Variants in DAB1 observed in about 807,000 individuals in gnomAD.
DAB1 encodes disabled homolog 1.
A neutral mutation model predicts 64.6 loss-of-function variants in DAB1; 15 were observed. The ratio of observed to expected loss-of-function variants is 0.23; its 90% confidence interval spans 0.16 to 0.36. DAB1 has a LOEUF of 0.36. Ranked by LOEUF, DAB1 falls within the 10% of genes least tolerant of loss-of-function variation. The pLI is 1.00. For synonymous variants in DAB1, 235 were observed against 251.9 expected (o/e 0.93, Z 0.64); for missense variants, 596 against 706.7 (o/e 0.84, Z 1.78).
intron 5 of DAB1, among the ~76,000 whole-genome samples, chr1:58,033,728 T>C (rs1018744103): frequency 1.3e-5 from 2 of 152,236 alleles, no homozygotes; most frequent in African/African-American, 4.8e-5. Context: ...TAAATTTTCC[T>C]AAGCATACTA....
chr1:58,012,463 T>A (rs1411661019), intron 5 of DAB1, among the ~76,000 whole-genome samples: 1 of 152,132 alleles, frequency 6.6e-6, no homozygotes, highest in African/African-American at 2.4e-5. Context: ...AACGTGCACA[T>A]GTACCCTAAA....
chr1:58,214,487 C>T (rs1420437848), intron 4 of DAB1, among the ~76,000 whole-genome samples: 2 of 152,014 alleles, frequency 1.3e-5, no homozygotes, highest in Non-Finnish European at 2.9e-5. Flanking sequence ...CAGAGAAAAG[C>T]CAAAAGAAAG....
chr1:57,550,052 T>C (rs17115987), intron 7 of DAB1, among the ~76,000 whole-genome samples: 3,603 of 152,262 alleles, frequency 0.024, 146 homozygotes, highest in African/African-American at 0.083. Context: ...CAGAGATATG[T>C]ATAGCTTGAC....
chr1:58,265,349 A>G, intron 4 of DAB1, among the ~76,000 whole-genome samples: 1 of 152,338 alleles, frequency 6.6e-6, no homozygotes, highest in East Asian at 1.9e-4. Flanking sequence ...AGGCAAACTT[A>G]AGAGGAGTCT....
intron 4 of DAB1, among the ~76,000 whole-genome samples, chr1:58,329,630 A>G (rs1569648798): frequency 2.0e-5 from 3 of 152,286 alleles, no homozygotes; most frequent in Non-Finnish European, 4.4e-5. Context: ...AAGCAAGTCT[A>G]TCAACATTAT....
intron 5 of DAB1, among the ~76,000 whole-genome samples, chr1:58,107,094 C>G (rs1202706539): frequency 2.0e-5 from 3 of 151,402 alleles, no homozygotes; most frequent in Non-Finnish European, 4.4e-5. Context: ...AAAAAAAAAC[C>G]CAGAAAAATA....
At chr1:57,590,187 G>A (rs184757449) in intron 7 of DAB1, among the ~76,000 whole-genome samples, 6 of 152,186 alleles carry the variant, frequency 3.9e-5, no homozygotes, top group Admixed American at 2.6e-4. Context: ...GCCTCTTCAC[G>A]TGGTCTTTCT....
At chr1:57,255,488 C>A (rs534653303) in intron 2 of DAB1, among the ~76,000 whole-genome samples, 7 of 152,082 alleles carry the variant, frequency 4.6e-5, no homozygotes, top group Non-Finnish European at 8.8e-5. Context: ...ATGGCAAAAC[C>A]CTGTACCAAA....
chr1:57,498,518 AC>A (rs1364753764), intron 7 of DAB1, among the ~76,000 whole-genome samples: 3 of 152,098 alleles, frequency 2.0e-5, no homozygotes, highest in African/African-American at 7.3e-5. Flanking sequence ...GGAGTGGTCA[AC>A]AATGCCAACA....
At chr1:57,339,982 G>A (rs914534504) in intron 1 of DAB1, among the ~76,000 whole-genome samples, 1 of 152,158 alleles carries the variant, frequency 6.6e-6, no homozygotes, top group Non-Finnish European at 1.5e-5. Flanking sequence ...ATCTAGGATG[G>A]TTTCGATTCA....
chr1:58,427,642 T>A lies in DAB1; in HGVS notation n.257+78418A>T, dbSNP rs114170915. On this transcript the variant is annotated intron_variant and non_coding_transcript_variant, in intron 3 of 20. Coordinates refer to the DAB1 transcript ENST00000485760. ...AGAGCCAAGGATAGTTCCAAGATTC[T>A]GGTCCAAGCAACTGGAAAGATGCAG... 6.2e-3 allele frequency among the ~76,000 whole-genome samples: 937 copies of A among 152,290 alleles called. 9 individuals carry two copies. Among genetic ancestry groups the A allele is most frequent in the African/African-American group, 0.021 (890 of 41,568 alleles).
chr1:57,245,675 C>G (rs1048159333), intron 2 of DAB1, among the ~76,000 whole-genome samples: 1 of 152,180 alleles, frequency 6.6e-6, no homozygotes, highest in African/African-American at 2.4e-5. Context: ...TTAATCCAGT[C>G]TATCATTGTT....
chr1:58,176,553 A>G (rs1656487522), intron 4 of DAB1, among the ~76,000 whole-genome samples: 1 of 152,166 alleles, frequency 6.6e-6, no homozygotes, highest in African/African-American at 2.4e-5. Context: ...GCTGGCCTCT[A>G]GTGAGGGCCT....
At chr1:58,235,876 G>A (rs1320017997) in intron 4 of DAB1, among the ~76,000 whole-genome samples, 1 of 152,208 alleles carries the variant, frequency 6.6e-6, no homozygotes, top group African/African-American at 2.4e-5. Context: ...ACATCCCAAA[G>A]AGAGAGAGGT....
intron 1 of DAB1, among the ~76,000 whole-genome samples, chr1:58,545,850 T>G (rs729084): frequency 6.6e-6 from 1 of 152,122 alleles, no homozygotes; most frequent in Non-Finnish European, 1.5e-5. Context: ...AGTACACACA[T>G]GATGGAAGGC....
intron 5 of DAB1, among the ~76,000 whole-genome samples, chr1:57,919,235 G>A (rs1276997832): frequency 6.6e-6 from 1 of 152,168 alleles, no homozygotes; most frequent in Non-Finnish European, 1.5e-5. Context: ...ACCTAACACA[G>A]ATAGACACTC....
At chr1:57,200,398 G>C (rs570474512) in intron 2 of DAB1, among the ~76,000 whole-genome samples, 11 of 152,168 alleles carry the variant, frequency 7.2e-5, no homozygotes, top group Non-Finnish European at 1.5e-4. Context: ...GGGAAAGTAG[G>C]GTAGCAAGCA....
intron 1 of DAB1, among the ~76,000 whole-genome samples, chr1:57,853,787 T>C (rs1253387780): frequency 2.0e-5 from 3 of 152,118 alleles, no homozygotes; most frequent in African/African-American, 7.2e-5. Flanking sequence ...GCAACAGGAA[T>C]GGTGTTGGGC....
At chr1:57,178,276 A>G (rs1662544668) in intron 2 of DAB1, among the ~76,000 whole-genome samples, 1 of 150,670 alleles carries the variant, frequency 6.6e-6, no homozygotes, top group African/African-American at 2.5e-5. Context: ...CATAATTGCA[A>G]GCTTATGTAC....
Sources: allele counts gnomAD v4.1 joint callset (sites outside exome capture counted in the v4.1 genomes callset), GRCh38; gene constraint gnomAD v4.1.1; transcripts MANE v1.5; gene names NCBI Gene and HGNC (gene_info 2026-07-23, HGNC 2026-07-21).